TASP1: variants seen among roughly 807,000 people sequenced by gnomAD.
TASP1 encodes threonine aspartase 1.
In TASP1, 16 loss-of-function variants were observed where a neutral mutation model predicts 56.6. The ratio of observed to expected loss-of-function variants is 0.28; its 90% CI spans 0.19 to 0.43. The LOEUF (loss-of-function observed/expected upper bound fraction) is 0.43. Ranked by LOEUF, TASP1 falls within the 20% of genes least tolerant of loss-of-function variation. The pLI, the probability that TASP1 is intolerant of heterozygous loss-of-function variation, is 1.00. For synonymous variants in TASP1, 179 were observed against 184.2 expected (o/e 0.97, Z 0.23); for missense variants, 393 against 511.6 (o/e 0.77, Z 2.24).
chr20:13,138,886 C>T, the TASP1 span, among the ~76,000 whole-genome samples: 2 of 152,244 alleles, frequency 1.3e-5, no homozygotes, highest in Non-Finnish European at 2.9e-5. Context: ...TGGAGTTTTT[C>T]CTTTAATTAT....
At chr20:13,417,751 T>C (rs984098592) in intron 12 of TASP1, among the ~76,000 whole-genome samples, 3 of 152,232 alleles carry the variant, frequency 2.0e-5, no homozygotes, top group Admixed American at 6.5e-5. Flanking sequence ...GATTATTACA[T>C]GTAAAATAAA....
chr20:13,221,368 G>A, the TASP1 span, among the ~76,000 whole-genome samples: 1 of 147,914 alleles, frequency 6.8e-6, no homozygotes, highest in African/African-American at 2.5e-5. Context: ...TCGGGGGCTC[G>A]GCTGCGCCCG....
rs562884441 is a variant in TASP1, at chr20:13,497,605, T to C, written c.875-14268A>G. On this transcript the variant is annotated intron_variant, in intron 10 of 13. Coordinates refer to ENST00000337743, the MANE Select transcript of TASP1 (RefSeq NM_017714.3). Reference sequence around the variant, plus strand: ...TGCTCGGATCCCAGCCTTTGCTGAATAGTAAGACTTGACACTACCATCAGA... The same window carrying C: ...TGCTCGGATCCCAGCCTTTGCTGAACAGTAAGACTTGACACTACCATCAGA... Among the ~76,000 whole-genome samples the C allele has an allele frequency of 4.9e-4, 74 of 152,272 alleles. No homozygotes were observed. In the Middle Eastern group the frequency reaches 0.014, roughly 28 times the overall value.
chr20:13,412,716 C>T (rs1033424167), intron 13 of TASP1, among the ~76,000 whole-genome samples: 1 of 152,078 alleles, frequency 6.6e-6, no homozygotes, highest in Non-Finnish European at 1.5e-5. Flanking sequence ...AAACCATCTT[C>T]ATGAAGATAA....
At chr20:13,323,329 G>C in the TASP1 span, among the ~76,000 whole-genome samples, 37 of 152,158 alleles carry the variant, frequency 2.4e-4, no homozygotes, top group Non-Finnish European at 1.3e-4. Flanking sequence ...GAAACACAAT[G>C]ACTCAGGCGG....
the TASP1 span, among the ~76,000 whole-genome samples, chr20:13,152,202 C>T: frequency 1.1e-4 from 17 of 152,098 alleles, no homozygotes; most frequent in African/African-American, 4.1e-4. Flanking sequence ...CTTCTCCTTG[C>T]GTATAACATA....
At chr20:13,370,584 T>C in the TASP1 span, among the ~76,000 whole-genome samples, 2 of 152,192 alleles carry the variant, frequency 1.3e-5, no homozygotes, top group Non-Finnish European at 2.9e-5. Context: ...ACATTTATAA[T>C]GTATTATGAG....
At chr20:13,627,627 T>C (rs1474989521) in intron 2 of TASP1, among the ~76,000 whole-genome samples, 9 of 151,502 alleles carry the variant, frequency 5.9e-5, no homozygotes. Context: ...GGCACGTGCC[T>C]GTAATCCCAG....
At chr20:13,533,910 A>G (rs2045319201) in intron 9 of TASP1, 112 bp downstream of exon 9, 2 of 1,256,050 alleles carry the variant, frequency 1.6e-6, no homozygotes. Flanking sequence ...TTAAAAAACA[A>G]TGACATTCAT....
chr20:13,253,448 C>T, the TASP1 span, among the ~76,000 whole-genome samples: 2 of 152,156 alleles, frequency 1.3e-5, no homozygotes, highest in Non-Finnish European at 2.9e-5. Context: ...TCTTTGAGAG[C>T]GCTGTGTTTC....
intron 8 of TASP1, among the ~76,000 whole-genome samples, chr20:13,536,370 C>T (rs1041789955): frequency 3.9e-5 from 6 of 152,148 alleles, no homozygotes; most frequent in Non-Finnish European, 5.9e-5. Flanking sequence ...TAACATTATG[C>T]CAGTATAAAA....
chr20:13,421,700 A>T (rs6033701), intron 12 of TASP1, among the ~76,000 whole-genome samples: 9,620 of 152,164 alleles, frequency 0.063, 444 homozygotes, highest in African/African-American at 0.13. Context: ...AAAAGTTTGA[A>T]ACAACATCGT....
intron 6 of TASP1, among the ~76,000 whole-genome samples, chr20:13,574,248 A>G (rs2046822690): frequency 1.3e-5 from 2 of 152,366 alleles, no homozygotes; most frequent in South Asian, 2.1e-4. Context: ...TTCTACCTCA[A>G]TAGCAAGGCA....
chr20:13,418,424 A>G (rs1038470622), intron 12 of TASP1, among the ~76,000 whole-genome samples: 2 of 152,242 alleles, frequency 1.3e-5, no homozygotes, highest in Admixed American at 1.3e-4. Flanking sequence ...TGTGCCTATG[A>G]AAATAAATAA....
chr20:13,450,054 G>T (rs182363899), intron 11 of TASP1, among the ~76,000 whole-genome samples: 1 of 152,234 alleles, frequency 6.6e-6, no homozygotes, highest in Admixed American at 6.6e-5. Context: ...AATAAAGTGA[G>T]TCATGCAAGT....
chr20:13,157,044 AT>A, the TASP1 span, among the ~76,000 whole-genome samples: 1 of 152,292 alleles, frequency 6.6e-6, no homozygotes, highest in East Asian at 1.9e-4. Context: ...AGTACTAAAT[AT>A]ATGCTAAGTA....
intron 13 of TASP1, among the ~76,000 whole-genome samples, chr20:13,393,876 C>CA (rs1005864282): frequency 5.4e-4 from 76 of 139,806 alleles, no homozygotes; most frequent in Middle Eastern, 3.6e-3. Context: ...TGCGCTCAGC[C>CA]AAAAAAAAAA....
chr20:13,574,119 TAAAAA>T (rs879792373), intron 6 of TASP1, among the ~76,000 whole-genome samples: 4 of 141,888 alleles, frequency 2.8e-5, no homozygotes, highest in Non-Finnish European at 4.7e-5. Flanking sequence ...AATGAAAGTT[TAAAAA>T]AAAAAAAAGA....
chr20:13,631,444 T>C (rs550953496), intron 1 of TASP1, among the ~76,000 whole-genome samples: 5 of 152,346 alleles, frequency 3.3e-5, no homozygotes, highest in African/African-American at 1.2e-4. Flanking sequence ...TTATTTTCTT[T>C]TGGTTATTTC....
Sources: gnomAD v4.1 joint callset for allele counts (sites outside exome capture counted in the v4.1 genomes callset) on GRCh38, gnomAD v4.1.1 for gene constraint, MANE v1.5 for transcripts, NCBI Gene and HGNC (gene_info 2026-07-23, HGNC 2026-07-21) for gene names.